The following ELAPOR2 variants were observed in gnomAD, a reference collection of about 807,000 sequenced individuals.
ELAPOR2 encodes endosome-lysosome associated apoptosis and autophagy regulator family member 2.
ELAPOR2 carries 89 observed loss-of-function variants against 120.7 expected under a neutral mutation model. The ratio of observed to expected loss-of-function variants is 0.74; its 90% confidence interval spans 0.62 to 0.88. The LOEUF (loss-of-function observed/expected upper bound fraction) is 0.88, where lower values mean the gene tolerates loss of function less well. Ranked by LOEUF, ELAPOR2 falls within the 40% of genes least tolerant of loss-of-function variation. The pLI is 0.00. For missense variants in ELAPOR2, 1,134 were observed against 1,251.6 expected, an observed-to-expected ratio of 0.91 and a Z score of 1.42; for synonymous variants, 444 against 444.9, an observed-to-expected ratio of 1.00 and a Z score of 0.03.
At chr7:87,019,139 T>A (rs1793960412) in intron 1 of ELAPOR2, among the ~76,000 whole-genome samples, 2 of 152,132 alleles carry the variant, frequency 1.3e-5, no homozygotes, top group South Asian at 4.1e-4. Context: ...TTGTCAAGAT[T>A]TACATCTTCA....
intron 2 of ELAPOR2, among the ~76,000 whole-genome samples, chr7:86,959,201 C>T (rs144218495): frequency 7.9e-5 from 12 of 152,194 alleles, no homozygotes; most frequent in Admixed American, 4.6e-4. Context: ...CTAGTTCTAA[C>T]GGGTTTTTGT....
At chr7:86,918,936 C>A (rs1789694901) in intron 11 of ELAPOR2, among the ~76,000 whole-genome samples, 1 of 152,064 alleles carries the variant, frequency 6.6e-6, no homozygotes, top group Non-Finnish European at 1.5e-5. Context: ...TTGGACTGAC[C>A]TCTTCATTAA....
chr7:86,899,850 G>GT (rs551953633), intron 18 of ELAPOR2, among the ~76,000 whole-genome samples: 3,769 of 145,682 alleles, frequency 0.026, 63 homozygotes, highest in African/African-American at 0.046. Flanking sequence ...TAATTTCTCT[G>GT]TTTTTTTTTT....
intron 1 of ELAPOR2, among the ~76,000 whole-genome samples, chr7:86,979,114 A>C (rs1258086025): frequency 7.7e-6 from 1 of 129,630 alleles, no homozygotes; most frequent in East Asian, 2.0e-4. Flanking sequence ...ATTTACCTTT[A>C]ACTTTCTTTA....
At chr7:86,993,455 A>G (rs114347258) in intron 1 of ELAPOR2, among the ~76,000 whole-genome samples, 164 of 152,176 alleles carry the variant, frequency 1.1e-3, no homozygotes, top group African/African-American at 3.8e-3. Context: ...TTTCAATACA[A>G]TACAATACCA....
chr7:87,041,285 A>G (rs1284086486), intron 1 of ELAPOR2, among the ~76,000 whole-genome samples: 3 of 152,048 alleles, frequency 2.0e-5, no homozygotes, highest in Admixed American at 6.5e-5. Context: ...ACTCCTCGAG[A>G]AGAGCAACTC....
chr7:86,914,943 A>G (rs1364638578), intron 12 of ELAPOR2, 83 bp from the exon 13 acceptor site: 2 of 1,072,282 alleles, frequency 1.9e-6, no homozygotes, highest in East Asian at 5.2e-5. Context: ...AAATGTATTC[A>G]TATTTAAAGT....
At chr7:86,959,579 T>A (rs1002263743) in intron 2 of ELAPOR2, among the ~76,000 whole-genome samples, 1 of 152,216 alleles carries the variant, frequency 6.6e-6, no homozygotes, top group African/African-American at 2.4e-5. Flanking sequence ...ATTGAGATGA[T>A]CATGTGGCTT....
chr7:87,001,106 G>A (rs1055363184), intron 1 of ELAPOR2, among the ~76,000 whole-genome samples: 1 of 152,186 alleles, frequency 6.6e-6, no homozygotes, highest in African/African-American at 2.4e-5. Flanking sequence ...TGGTCCACCC[G>A]GAAGAAGTAG....
intron 1 of ELAPOR2, among the ~76,000 whole-genome samples, chr7:87,018,874 A>G (rs1793951125): frequency 6.6e-6 from 1 of 152,228 alleles, no homozygotes; most frequent in Non-Finnish European, 1.5e-5. Context: ...AAAGTTATGT[A>G]GCAAAATAAA....
intron 1 of ELAPOR2, among the ~76,000 whole-genome samples, chr7:86,999,482 C>T (rs1371557057): frequency 1.3e-5 from 2 of 152,004 alleles, no homozygotes; most frequent in Non-Finnish European, 2.9e-5. Context: ...AATTCAACTA[C>T]AAAAATGGAT....
rs184436696 is a variant in ELAPOR2, at chr7:86,923,765, T to A, written c.1399+1763A>T. Among the ~76,000 whole-genome samples, 924 of 152,204 alleles carry A rather than the reference T, an allele frequency of 6.1e-3. 13 individuals carry two copies. The highest frequency in any genetic ancestry group is 0.021 in the African/African-American group (879 of 41,546). ...TATAACTTTTGTAAACATTATCCTA[T>A]TTTTGGATATTTCAATTATTTCAAT... On this transcript the variant is annotated intron_variant, in intron 10 of 21. Coordinates refer to ENST00000450689, the MANE Select transcript of ELAPOR2 (RefSeq NM_001142749.3).
intron 19 of ELAPOR2, among the ~76,000 whole-genome samples, chr7:86,895,006 G>A (rs1380877181): frequency 2.0e-5 from 3 of 151,858 alleles, no homozygotes; most frequent in Admixed American, 1.3e-4. Flanking sequence ...TAACATACGC[G>A]CCTGTATTAG....
intron 1 of ELAPOR2, among the ~76,000 whole-genome samples, chr7:87,056,170 A>T (rs369579380): frequency 6.6e-6 from 1 of 152,180 alleles, no homozygotes; most frequent in Non-Finnish European, 1.5e-5. Flanking sequence ...CTGGAGTCTC[A>T]CTGTAGACTC....
chr7:86,998,792 C>T (rs1793210565), intron 1 of ELAPOR2, among the ~76,000 whole-genome samples: 2 of 151,490 alleles, frequency 1.3e-5, no homozygotes, highest in Non-Finnish European at 2.9e-5. Context: ...TTTTCATAAA[C>T]CAAATTTTTA....
chr7:86,982,223 TG>T (rs534998358), intron 1 of ELAPOR2, among the ~76,000 whole-genome samples: 285 of 152,370 alleles, frequency 1.9e-3, no homozygotes, highest in African/African-American at 6.7e-3. Context: ...ATTCCACTTC[TG>T]GGGGCAGGGC....
chr7:86,931,259 G>A (rs987837478), intron 8 of ELAPOR2, among the ~76,000 whole-genome samples: 2 of 151,868 alleles, frequency 1.3e-5, no homozygotes, highest in African/African-American at 2.4e-5. Flanking sequence ...ATGCACATAT[G>A]AAGAGAGTAC....
At chr7:87,058,929 G>T (rs1175061163) in intron 1 of ELAPOR2, among the ~76,000 whole-genome samples, 1 of 151,928 alleles carries the variant, frequency 6.6e-6, no homozygotes, top group Admixed American at 6.6e-5. Flanking sequence ...AAATCCTCTG[G>T]TGTCTGTGTC....
At position 87,046,102 on chromosome 7, in the gene ELAPOR2, A is replaced by G. The variant is rs576574495; in HGVS notation, c.189+13223T>C. 7.9e-5 allele frequency among the ~76,000 whole-genome samples: 12 copies of G among 152,354 alleles called. No individual in the cohort carries two copies. The East Asian group carries it at 2.3e-3, about 29-fold the overall frequency. On this transcript the variant is annotated intron_variant, in intron 1 of 21. Transcript: ENST00000450689. ...TTAGGACTGATAAAAAAAATTCAAC[A>G]AGGTTGCAGGATACACAAATCAACA...
Sources: allele counts gnomAD v4.1 joint callset (sites outside exome capture counted in the v4.1 genomes callset), GRCh38; gene constraint gnomAD v4.1.1; transcripts MANE v1.5; gene names NCBI Gene and HGNC (gene_info 2026-07-23, HGNC 2026-07-21).